Variants in SNX19 observed in about 807,000 individuals in gnomAD.
SNX19 encodes sorting nexin-19.
A neutral mutation model predicts 85.2 loss-of-function variants in SNX19; 60 were observed. The ratio of observed to expected loss-of-function variants is 0.70; its 90% CI spans 0.57 to 0.87. SNX19 has a LOEUF of 0.87. SNX19 is among the 40% of genes least tolerant of loss of function. The pLI, the probability that SNX19 is intolerant of heterozygous loss-of-function variation, is 0.00. For missense variants in SNX19, 1,201 were observed against 1,217.8 expected (o/e 0.99, Z 0.21); for synonymous variants, 520 against 470.0 (o/e 1.11, Z -1.38).
chr11:130,882,291 T>G (rs1220336015), intron 8 of SNX19, among the ~76,000 whole-genome samples: 1 of 152,234 alleles, frequency 6.6e-6, no homozygotes, highest in Admixed American at 6.5e-5. Flanking sequence ...ACTCGTTTGA[T>G]CCTGCACCAC....
chr11:130,896,788 C>A (rs1452874560), intron 8 of SNX19, among the ~76,000 whole-genome samples: 4 of 152,144 alleles, frequency 2.6e-5, no homozygotes, highest in Non-Finnish European at 4.4e-5. Flanking sequence ...TTGTAATAAG[C>A]GTCAGTTCCT....
intron 8 of SNX19, among the ~76,000 whole-genome samples, chr11:130,883,798 C>T (rs1006043739): frequency 2.6e-5 from 4 of 152,176 alleles, no homozygotes; most frequent in South Asian, 4.2e-4. Context: ...AACTTCTGAG[C>T]GATGGTGTCT....
chr11:130,905,684 A>G, intron 7 of SNX19: 1 of 1,517,870 alleles, frequency 6.6e-7, no homozygotes, highest in Non-Finnish European at 8.8e-7. Flanking sequence ...AATAAGTTTA[A>G]TGAGTTATCA....
intron 5 of SNX19, among the ~76,000 whole-genome samples, chr11:130,907,319 C>A (rs1945743474): frequency 6.7e-6 from 1 of 148,180 alleles, no homozygotes; most frequent in South Asian, 2.2e-4. Flanking sequence ...AACATAAGCA[C>A]AGAGACAGAG....
intron 4 of SNX19, among the ~76,000 whole-genome samples, chr11:130,909,644 G>A (rs899442371): frequency 3.3e-5 from 5 of 152,062 alleles, no homozygotes; most frequent in Non-Finnish European, 7.3e-5. Context: ...TCTTTCCTGG[G>A]TGACCCAACA....
intron 8 of SNX19, among the ~76,000 whole-genome samples, chr11:130,896,757 G>A (rs934800931): frequency 1.3e-5 from 2 of 152,138 alleles, no homozygotes. Context: ...ACAGTACATA[G>A]CTGCTTTCCT....
chr11:130,910,413 T>C, intron 2 of SNX19, 43 bp from the exon 3 acceptor site: 1 of 1,339,852 alleles, frequency 7.5e-7, no homozygotes, highest in Non-Finnish European at 1.0e-6. Flanking sequence ...TCATTTAACA[T>C]TCACAGAGAG....
chr11:130,915,081 C>T lies in SNX19; in HGVS notation c.859G>A (p.Val287Met). 6.2e-7 allele frequency: 1 copy of T among 1,613,952 alleles called. No homozygotes were observed. Among genetic ancestry groups the T allele is most frequent in the Admixed American group, 1.7e-5 (1 of 60,012 alleles). Reference protein sequence around the residue: ...CPASAPEQPSVPTSLPLIAEV... With the variant: ...CPASAPEQPSMPTSLPLIAEV... ...GCAATCAGTGGCAGAGATGTCGGCA[C>T]TGAGGGCTGTTCGGGGGCACTGGCT... The change falls in exon 1 of 11, where the codon GTG becomes ATG. Residue 287 changes from valine (V) to methionine (M), a missense_variant. Val to Met is a conservative substitution (Grantham distance 21, BLOSUM62 1). Coordinates refer to ENST00000265909, the MANE Select transcript of SNX19 (RefSeq NM_014758.3).
At chr11:130,909,308 TAC>T (rs1945908730) in intron 4 of SNX19, among the ~76,000 whole-genome samples, 1 of 152,240 alleles carries the variant, frequency 6.6e-6, no homozygotes, top group South Asian at 2.1e-4. Flanking sequence ...TAACACCTAC[TAC>T]ATGAAATTCT....
Position 130,871,222 on chromosome 11 carries a change from C to CAA in SNX19, c.*7198_*7199dup, listed in dbSNP as rs1250196550. Among the ~76,000 whole-genome samples, 1 of 152,118 alleles carries CAA rather than the reference C, an allele frequency of 6.6e-6. No homozygotes were observed. Among genetic ancestry groups the CAA allele is most frequent in the Non-Finnish European group, 1.5e-5 (1 of 68,022 alleles). ...AACCATCTATAATACATTCTGTCCC[C>CAA]AAGAAAATGCTCTACTGCCAACTAA... On this transcript the variant is annotated 3_prime_UTR_variant, in exon 11 of 11. Transcript: ENST00000265909.
chr11:130,897,979 C>A (rs965629579), intron 8 of SNX19, among the ~76,000 whole-genome samples: 1 of 152,150 alleles, frequency 6.6e-6, no homozygotes, highest in African/African-American at 2.4e-5. Flanking sequence ...CACATGCATG[C>A]AAGACTTCCC....
intron 1 of SNX19, among the ~76,000 whole-genome samples, chr11:130,913,374 GTGTC>G (rs1371666538): frequency 6.6e-6 from 1 of 152,222 alleles, no homozygotes; most frequent in African/African-American, 2.4e-5. Flanking sequence ...TAATGAGTGT[GTGTC>G]TGTGTGTTCA....
chr11:130,880,674 C>T lies in SNX19; in HGVS notation c.2706G>A (p.Gln902=). ...KFPRPVRTQE[Q]KLAAEKQALQ... Reference sequence around the variant, plus strand: ...AAGCCTGTTTCTCAGCAGCCAGTTTCTGCTCTTGGGTCCTTACGGGCCGTG... The same window carrying T: ...AAGCCTGTTTCTCAGCAGCCAGTTTTTGCTCTTGGGTCCTTACGGGCCGTG... Residue 902 remains glutamine (Q), a synonymous_variant, in exon 9 of 11, where the codon CAG becomes CAA. Coordinates refer to ENST00000265909, the MANE Select transcript of SNX19 (RefSeq NM_014758.3). 1 of 1,611,424 alleles carries T rather than the reference C, an allele frequency of 6.2e-7. No individual in the cohort carries two copies. The highest frequency in any genetic ancestry group is 8.5e-7 in the Non-Finnish European group (1 of 1,177,926).
In SNX19 at chr11:130,915,842, C is replaced by G. The variant is rs1360506714; in HGVS notation, c.98G>C (p.Gly33Ala). The stretch of plus-strand genomic sequence containing the variant: ...GACCAGGAGCCAGCCAAGCAAGACC[C>G]CCACAGCCATCAGCTTCCGGCTACT... Reference protein sequence around the residue: ...LLSSRKLMAVGVLLGWLLVIH... With the variant: ...LLSSRKLMAVAVLLGWLLVIH... Residue 33 changes from glycine (G) to alanine (A), a missense_variant, in exon 1 of 11, where the codon GGG (glycine) becomes GCG (alanine). Around this residue, in one of 3 missense-constraint regions of SNX19, gnomAD observed 791 missense variants for 750.9 expected, o/e 1.05. Transcript: ENST00000265909. 1 of 1,614,210 alleles carries G rather than the reference C, an allele frequency of 6.2e-7. No individual in the cohort carries two copies. The highest frequency in any genetic ancestry group is 1.7e-5 in the Admixed American group (1 of 60,026).
In SNX19 at chr11:130,878,569, C is replaced by CA; in HGVS notation, c.2847-16dup. The CA allele has an allele frequency of 2.5e-6, 4 of 1,609,818 alleles. No homozygotes were observed. The highest frequency in any genetic ancestry group is 3.4e-6 in the Non-Finnish European group (4 of 1,178,210). ...AAATCAAATGCCTGAAACGAATGGA[C>CA]AAAAAACTTAGGGTCTGGCTCAATC... On this transcript the variant is annotated splice_polypyrimidine_tract_variant and intron_variant, in intron 10 of 10. Transcript: ENST00000265909.
At position 130,915,249 on chromosome 11, in the gene SNX19, T is replaced by C; in HGVS notation, c.691A>G (p.Thr231Ala). ...QGLVPKPHLE[T>A]RTGRHVVVEL... is the part of the protein sequence containing the mutation. ...ACCACTACATGGCGTCCGGTACGAGTCTCCAAGTGGGGCTTGGGCACCAGC... is the reference window on the plus strand; with the variant it reads ...ACCACTACATGGCGTCCGGTACGAGCCTCCAAGTGGGGCTTGGGCACCAGC... Residue 231 changes from threonine (T) to alanine (A), a missense_variant, in exon 1 of 11, where the codon ACT becomes GCT. Around this residue, in one of 3 missense-constraint regions of SNX19, gnomAD observed 791 missense variants for 750.9 expected, o/e 1.05. Coordinates refer to ENST00000265909, the MANE Select transcript of SNX19 (RefSeq NM_014758.3). 6.2e-7 allele frequency: 1 copy of C among 1,614,148 alleles called. No homozygotes were observed. The highest frequency in any genetic ancestry group is 8.5e-7 in the Non-Finnish European group (1 of 1,180,032).
Position 130,868,308 on chromosome 11 carries a change from G to A in SNX19, c.*10114C>T, listed in dbSNP as rs1942861531. On this transcript the variant is annotated 3_prime_UTR_variant, in exon 11 of 11. Transcript: ENST00000265909. ...TATACACACAAAACGGGTGGGTGCGGAGCCCTTTCACCAGGAACTGGGTTG... is the reference window on the plus strand; with the variant it reads ...TATACACACAAAACGGGTGGGTGCGAAGCCCTTTCACCAGGAACTGGGTTG... The A allele has an allele frequency of 6.6e-6, 1 of 152,104 alleles. No homozygotes were observed. The highest frequency in any genetic ancestry group is 1.5e-5 in the Non-Finnish European group (1 of 68,036). 9.4% of individuals were successfully genotyped at this position (152,104 alleles called of 1,614,324 possible). A position where few individuals can be genotyped will look rare whatever the true frequency, so the allele number is the denominator to read the frequency against.
At position 130,869,625 on chromosome 11, in the gene SNX19, G is replaced by A. The variant is rs1411444593; in HGVS notation, c.*8797C>T. ...TCTGGGACTTAAAATCAGGGGAAGA[G>A]ATGTGAATGGCTAAACTTTCTAGTT... is the stretch of plus-strand genomic sequence containing the variant. On this transcript the variant is annotated 3_prime_UTR_variant, in exon 11 of 11. Coordinates refer to ENST00000265909, the MANE Select transcript of SNX19 (RefSeq NM_014758.3). The A allele has an allele frequency of 6.6e-6, 1 of 152,098 alleles. No individual in the cohort carries two copies. The highest frequency in any genetic ancestry group is 1.9e-4 in the East Asian group (1 of 5,188). The allele number at this position is 152,098 out of a possible 1,614,324, so 9.4% of individuals were successfully genotyped here. A position where few individuals can be genotyped will look rare whatever the true frequency, so the allele number is the denominator to read the frequency against.
In SNX19 at chr11:130,868,956, C is replaced by G. The variant is rs1942899297; in HGVS notation, c.*9466G>C. On this transcript the variant is annotated 3_prime_UTR_variant, in exon 11 of 11. Transcript: ENST00000265909. ...GCCAACGTCATTTATGGATCAGCAACTGCTTGTAGGCAAAGTCTGTTACAT... is the reference window on the plus strand; with the variant it reads ...GCCAACGTCATTTATGGATCAGCAAGTGCTTGTAGGCAAAGTCTGTTACAT... 6.6e-6 allele frequency: 1 copy of G among 152,244 alleles called. No individual in the cohort carries two copies. The highest frequency in any genetic ancestry group is 2.1e-4 in the South Asian group (1 of 4,834). 9.4% of individuals were successfully genotyped at this position (152,244 alleles called of 1,614,324 possible).
Sources: gnomAD v4.1 joint callset for allele counts (sites outside exome capture counted in the v4.1 genomes callset) on GRCh38, gnomAD v4.1.1 for gene constraint, gnomAD v4.1.1 regional missense constraint, MANE v1.5 for transcripts, NCBI Gene and HGNC (gene_info 2026-07-23, HGNC 2026-07-21) for gene names.